SATB2: variants seen among roughly 807,000 people sequenced by gnomAD.
The protein encoded by SATB2 is DNA-binding protein SATB2.
SATB2 carries 1 observed loss-of-function variant against 73.4 expected under a neutral mutation model. The observed-to-expected ratio is 0.01, with a 90% CI of 0.00 to 0.06. SATB2 has a LOEUF of 0.06. Among genes scored for constraint, SATB2 ranks in the 10% least tolerant of loss-of-function variants. SATB2 has a pLI of 1.00. For missense variants in SATB2, 459 were observed against 945.8 expected, an observed-to-expected ratio of 0.49 and a Z score of 6.75; for synonymous variants, 397 against 367.0, an observed-to-expected ratio of 1.08 and a Z score of -0.93.
At chr2:199,306,309 C>CAT (rs1330994953) in intron 10 of SATB2, among the ~76,000 whole-genome samples, 1 of 152,176 alleles carries the variant, frequency 6.6e-6, no homozygotes, top group East Asian at 1.9e-4. Context: ...TGCTGACAGA[C>CAT]ATAAATTCAA....
In SATB2 at chr2:199,463,688, C is replaced by G. The variant is rs1323570880; in HGVS notation, c.-141+1148G>C. ...AGGATGTGGCGGGGGATGGGCAGGT[C>G]CCTGGCCCAGGGTACCACCGGGCCA... On this transcript the variant is annotated intron_variant, in intron 1 of 11. Transcript: ENST00000260926. The surrounding 1 kb of genome is among the most constrained non-coding windows in gnomAD (Gnocchi z 6.4). Among the ~76,000 whole-genome samples the G allele has an allele frequency of 6.6e-6, 1 of 152,112 alleles. No homozygotes were observed. Among genetic ancestry groups the G allele is most frequent in the Non-Finnish European group, 1.5e-5 (1 of 68,012 alleles).
intron 9 of SATB2, among the ~76,000 whole-genome samples, chr2:199,315,767 CT>C (rs746693793): frequency 5.5e-4 from 83 of 152,210 alleles, no homozygotes; most frequent in Non-Finnish European, 9.0e-4. Flanking sequence ...AACTTTACCC[CT>C]GTTGAATAAA....
chr2:199,321,240 T>C (rs1241703478), intron 9 of SATB2, among the ~76,000 whole-genome samples: 1 of 151,932 alleles, frequency 6.6e-6, no homozygotes, highest in Non-Finnish European at 1.5e-5. Flanking sequence ...ATAAGGTGTA[T>C]ATATATGACT....
chr2:199,323,399 G>C (rs1687941581), intron 9 of SATB2, among the ~76,000 whole-genome samples: 1 of 151,746 alleles, frequency 6.6e-6, no homozygotes, highest in Non-Finnish European at 1.5e-5. Context: ...CCCCTTGTGG[G>C]AACAGGAAAG....
At chr2:199,401,074 T>C (rs1230091483) in intron 3 of SATB2, among the ~76,000 whole-genome samples, 2 of 152,206 alleles carry the variant, frequency 1.3e-5, no homozygotes, top group Non-Finnish European at 1.5e-5. Flanking sequence ...CATGCTAATA[T>C]TCTCTATCAC....
At chr2:199,288,038 A>G (rs1360835162) in intron 10 of SATB2, among the ~76,000 whole-genome samples, 1 of 152,220 alleles carries the variant, frequency 6.6e-6, no homozygotes, top group Non-Finnish European at 1.5e-5. Context: ...ACTAAAATCT[A>G]CTAGACTCTA....
At chr2:199,367,402 C>CCTT (rs1689318014) in intron 6 of SATB2, among the ~76,000 whole-genome samples, 1 of 152,074 alleles carries the variant, frequency 6.6e-6, no homozygotes. Flanking sequence ...CCTTATAAAA[C>CCTT]ATATATTTAG....
intron 10 of SATB2, among the ~76,000 whole-genome samples, chr2:199,284,113 T>C (rs1692614078): frequency 2.0e-5 from 3 of 152,210 alleles, no homozygotes; most frequent in South Asian, 4.1e-4. Context: ...CAAGCAAAAA[T>C]TAGAGTTTTG....
intron 10 of SATB2, among the ~76,000 whole-genome samples, chr2:199,307,070 T>C (rs563601874): frequency 7.5e-4 from 114 of 152,048 alleles, no homozygotes; most frequent in Non-Finnish European, 1.3e-3. Flanking sequence ...TGGTTCAAGA[T>C]AGAAGTCTAA....
chr2:199,396,568 TAAAAACCACGATGTCCTCAGAGAG>T (rs1191554078), intron 3 of SATB2: 1 of 152,174 alleles, frequency 6.6e-6, no homozygotes, highest in Admixed American at 6.5e-5. Flanking sequence ...CACTGGTCTC[TAAAAACCACGATGTCCTCAGAGAG>T]GAGCCAAGTG....
chr2:199,417,081 A>T lies in SATB2; in HGVS notation c.346+16257T>A, dbSNP rs560424039. Among the ~76,000 whole-genome samples the T allele has an allele frequency of 7.1e-4, 108 of 151,854 alleles. 1 individual carries two copies. The highest frequency in any genetic ancestry group is 1.4e-3 in the African/African-American group (56 of 41,388). On this transcript the variant is annotated intron_variant, in intron 3 of 10. Coordinates refer to ENST00000417098, the MANE Select transcript of SATB2 (RefSeq NM_001172509.2). ...ACACACACACACACACTCACAAAAA[A>T]AAATAAATAAAATAACATGACCTGC...
chr2:199,458,675 G>A, upstream of SATB2: 1 of 442,084 alleles, frequency 2.3e-6, no homozygotes, highest in East Asian at 8.2e-5. Flanking sequence ...AGAGGCGACC[G>A]CGGCTGCCTC....
intron 3 of SATB2, among the ~76,000 whole-genome samples, chr2:199,400,587 T>A (rs1320933715): frequency 6.6e-6 from 1 of 152,318 alleles, no homozygotes; most frequent in Admixed American, 6.5e-5. Flanking sequence ...TATTTGCACT[T>A]ACGTAATAAT....
intron 9 of SATB2, among the ~76,000 whole-genome samples, chr2:199,310,422 A>G (rs953079945): frequency 1.3e-5 from 2 of 152,134 alleles, no homozygotes; most frequent in Non-Finnish European, 2.9e-5. Flanking sequence ...TTTTCAACTC[A>G]ATTGAAAGGC....
intron 10 of SATB2, among the ~76,000 whole-genome samples, chr2:199,295,420 G>GAA (rs202192835): frequency 7.1e-6 from 1 of 140,268 alleles, no homozygotes; most frequent in Non-Finnish European, 1.6e-5. Flanking sequence ...GGTCTCTAAA[G>GAA]AAAAAAAAAA....
intron 10 of SATB2, among the ~76,000 whole-genome samples, chr2:199,296,870 G>A (rs570267298): frequency 1.2e-4 from 19 of 152,242 alleles, no homozygotes; most frequent in Non-Finnish European, 2.4e-4. Context: ...ATTGAAACTA[G>A]AAATAGAGAG....
intron 3 of SATB2, among the ~76,000 whole-genome samples, chr2:199,415,246 A>C (rs538795310): frequency 6.6e-6 from 1 of 152,366 alleles, no homozygotes; most frequent in African/African-American, 2.4e-5. Context: ...CTTCAGGAAG[A>C]GAATAGTTGT....
chr2:199,302,933 T>C (rs1687328202), intron 10 of SATB2, among the ~76,000 whole-genome samples: 1 of 152,170 alleles, frequency 6.6e-6, no homozygotes, highest in African/African-American at 2.4e-5. Context: ...TTCAGTCACA[T>C]CAGTTCTTTG....
intron 5 of SATB2, among the ~76,000 whole-genome samples, chr2:199,379,625 T>C (rs1045488841): frequency 1.3e-5 from 2 of 152,172 alleles, no homozygotes; most frequent in African/African-American, 4.8e-5. Context: ...CTATCTCCGA[T>C]GAAATATGTG....
Sources: gnomAD v4.1 joint callset for allele counts (sites outside exome capture counted in the v4.1 genomes callset) on GRCh38, gnomAD v4.1.1 for gene constraint, Gnocchi (gnomAD v3.1) non-coding constraint, MANE v1.5 for transcripts, NCBI Gene and HGNC (gene_info 2026-07-23, HGNC 2026-07-21) for gene names.